Variants in SLC28A3 observed in about 807,000 individuals in gnomAD.
SLC28A3 encodes the protein concentrative Na(+)-nucleoside cotransporter 3.
Under a neutral mutation model 84.2 loss-of-function variants are expected in SLC28A3, and 68 were observed. The observed-to-expected ratio is 0.81, with a 90% CI of 0.66 to 0.99. The LOEUF is 0.99. Ranked by LOEUF, SLC28A3 falls within the 50% of genes least tolerant of loss-of-function variation. The probability of loss-of-function intolerance (pLI) is 0.00; values close to 1 mark genes in which losing one functional copy is unlikely to be tolerated. For synonymous variants in SLC28A3, 267 were observed against 303.6 expected, an observed-to-expected ratio of 0.88 and a Z score of 1.25; for missense variants, 712 against 841.5, an observed-to-expected ratio of 0.85 and a Z score of 1.90.
chr9:84,357,814 C>T, the SLC28A3 span, among the ~76,000 whole-genome samples: 10 of 152,142 alleles, frequency 6.6e-5, no homozygotes, highest in Admixed American at 5.9e-4. Context: ...TGAGATAACC[C>T]AATCCAGGGC....
chr9:84,293,724 C>A (rs377229790), intron 9 of SLC28A3, among the ~76,000 whole-genome samples: 1 of 152,168 alleles, frequency 6.6e-6, no homozygotes, highest in Non-Finnish European at 1.5e-5. Context: ...TTATGAAACT[C>A]CCTCAGGAGT....
chr9:84,312,986 G>C (rs1258528165), intron 2 of SLC28A3, among the ~76,000 whole-genome samples: 23 of 152,202 alleles, frequency 1.5e-4, no homozygotes, highest in Admixed American at 1.5e-3. Flanking sequence ...AAGCTACTAA[G>C]GAATGCGAGT....
intron 14 of SLC28A3, among the ~76,000 whole-genome samples, chr9:84,281,985 A>AC (rs910081213): frequency 6.6e-6 from 1 of 151,670 alleles, no homozygotes; most frequent in African/African-American, 2.4e-5. Flanking sequence ...AAACAAACAA[A>AC]AAAAACATTA....
chr9:84,295,586 AAAACAAAC>A (rs57475975), intron 8 of SLC28A3, among the ~76,000 whole-genome samples: 3 of 151,726 alleles, frequency 2.0e-5, no homozygotes, highest in African/African-American at 4.9e-5. Context: ...CCATCTCACA[AAAACAAAC>A]AAACAAACAA....
At chr9:84,333,402 C>T (rs1178545953) in intron 1 of SLC28A3, among the ~76,000 whole-genome samples, 2 of 152,132 alleles carry the variant, frequency 1.3e-5, no homozygotes, top group African/African-American at 4.8e-5. Flanking sequence ...ACCCAGTTCC[C>T]AGCTTGACTT....
intron 1 of SLC28A3, among the ~76,000 whole-genome samples, chr9:84,320,882 C>T (rs1826351963): frequency 6.6e-6 from 1 of 150,862 alleles, no homozygotes; most frequent in Non-Finnish European, 1.5e-5. Context: ...AGGAGAATTG[C>T]TTGAACCGGG....
intron 2 of SLC28A3, chr9:84,310,602 A>T (rs764307900): frequency 1.0e-6 from 1 of 985,230 alleles, no homozygotes; most frequent in Non-Finnish European, 1.2e-6. Context: ...AACAGAAATC[A>T]TAGAAATAAA....
chr9:84,352,952 A>G, the SLC28A3 span, among the ~76,000 whole-genome samples: 2 of 149,804 alleles, frequency 1.3e-5, no homozygotes, highest in African/African-American at 2.4e-5. Flanking sequence ...GATTTTTAGT[A>G]TGAAGATTAA....
chr9:84,339,847 A>C (rs1827098968), intron 1 of SLC28A3, among the ~76,000 whole-genome samples: 1 of 152,168 alleles, frequency 6.6e-6, no homozygotes, highest in Non-Finnish European at 1.5e-5. Context: ...TTTCTTGGCT[A>C]GCACCTCAAA....
At chr9:84,314,396 T>G (rs923827291) in intron 1 of SLC28A3, among the ~76,000 whole-genome samples, 1 of 152,172 alleles carries the variant, frequency 6.6e-6, no homozygotes, top group Admixed American at 6.6e-5. Flanking sequence ...AACTTGCCGT[T>G]TTCTAGAGTG....
At chr9:84,316,771 G>A (rs551942924) in intron 1 of SLC28A3, among the ~76,000 whole-genome samples, 14 of 152,328 alleles carry the variant, frequency 9.2e-5, no homozygotes, top group African/African-American at 3.4e-4. Flanking sequence ...GGGAGGCCAA[G>A]GCGGGCGGAT....
At chr9:84,339,093 C>G (rs1046501231) in intron 1 of SLC28A3, among the ~76,000 whole-genome samples, 1 of 152,140 alleles carries the variant, frequency 6.6e-6, no homozygotes, top group Non-Finnish European at 1.5e-5. Flanking sequence ...CCACCTCCCA[C>G]CCCCACTTTA....
At chr9:84,337,664 A>G (rs1398691784) in intron 1 of SLC28A3, among the ~76,000 whole-genome samples, 1 of 152,124 alleles carries the variant, frequency 6.6e-6, no homozygotes, top group Admixed American at 6.5e-5. Context: ...GCCAATCCGA[A>G]CTTCCTTCAT....
In SLC28A3 at chr9:84,290,391, G is replaced by A. The variant is rs1588570329; in HGVS notation, c.1024-112C>T. On this transcript the variant is annotated intron_variant, in intron 10 of 17. Coordinates refer to ENST00000376238, the MANE Select transcript of SLC28A3 (RefSeq NM_001199633.2). ...TTTAAAGCAGACAGTTTCTAAGAGT[G>A]AACCTCAGACCAGCTCCATCAGCGT... is the stretch of plus-strand genomic sequence containing the variant. The A allele has an allele frequency of 3.7e-6, 5 of 1,354,578 alleles. No individual in the cohort carries two copies. The South Asian group carries it at 4.6e-5, about 12-fold the overall frequency. 83.9% of individuals were successfully genotyped at this position (1,354,578 alleles called of 1,614,324 possible). A position where few individuals can be genotyped will look rare whatever the true frequency, so the allele number is the denominator to read the frequency against.
At chr9:84,305,137 G>A (rs1825746235) in intron 4 of SLC28A3, 117 bp downstream of exon 4, 1 of 834,780 alleles carries the variant, frequency 1.2e-6, no homozygotes, top group Non-Finnish European at 1.9e-6. Flanking sequence ...ATGATTCAGT[G>A]AGGTCCCAGA....
the SLC28A3 span, among the ~76,000 whole-genome samples, chr9:84,349,132 T>C: frequency 6.6e-6 from 1 of 152,186 alleles, no homozygotes; most frequent in Non-Finnish European, 1.5e-5. Context: ...GGATTATCAT[T>C]GGTTCTTACA....
intron 1 of SLC28A3, among the ~76,000 whole-genome samples, chr9:84,318,840 G>T (rs1322657729): frequency 6.6e-6 from 1 of 151,400 alleles, no homozygotes; most frequent in Admixed American, 6.6e-5. Flanking sequence ...TTGCACTCCA[G>T]CCTGGGCAAC....
chr9:84,326,759 T>C (rs1468587510), intron 1 of SLC28A3, among the ~76,000 whole-genome samples: 1 of 151,994 alleles, frequency 6.6e-6, no homozygotes, highest in Non-Finnish European at 1.5e-5. Flanking sequence ...TAATCCCAGC[T>C]CTCTGGCAGG....
intron 1 of SLC28A3, among the ~76,000 whole-genome samples, chr9:84,328,533 TGGATCACCTGA>T (rs1337209293): frequency 2.0e-5 from 3 of 151,652 alleles, no homozygotes; most frequent in African/African-American, 7.3e-5. Context: ...CTGAGGCGGG[TGGATCACCTGA>T]GGTCAGGAGT....
Sources: gnomAD v4.1 joint callset for allele counts (sites outside exome capture counted in the v4.1 genomes callset) on GRCh38, gnomAD v4.1.1 for gene constraint, MANE v1.5 for transcripts, NCBI Gene and HGNC (gene_info 2026-07-23, HGNC 2026-07-21) for gene names.